ATAD2B: variants seen among roughly 807,000 people sequenced by gnomAD.
ATAD2B encodes ATPase family AAA domain-containing protein 2B.
Under a neutral mutation model 167.6 loss-of-function variants are expected in ATAD2B, and 40 were observed. The ratio of observed to expected loss-of-function variants is 0.24; its 90% CI spans 0.19 to 0.31. The LOEUF (loss-of-function observed/expected upper bound fraction) is 0.31, where lower values mean the gene tolerates loss of function less well. Ranked by LOEUF, ATAD2B falls within the 10% of genes least tolerant of loss-of-function variation. ATAD2B has a pLI of 1.00. For synonymous variants in ATAD2B, 579 were observed against 596.5 expected, an observed-to-expected ratio of 0.97 and a Z score of 0.43; for missense variants, 1,242 against 1,757.2, an observed-to-expected ratio of 0.71 and a Z score of 5.24.
chr2:23,890,337 AAAC>A (rs1414448877), intron 2 of ATAD2B, among the ~76,000 whole-genome samples: 2 of 152,138 alleles, frequency 1.3e-5, no homozygotes, highest in Non-Finnish European at 2.9e-5. Flanking sequence ...TTCCTCTAGA[AAAC>A]AACAAAAAAA....
At position 23,863,369 on chromosome 2, in the gene ATAD2B, G is replaced by C; in HGVS notation, c.1479+12C>G. On this transcript the variant is annotated intron_variant, in intron 12 of 27. Coordinates refer to ENST00000238789, the MANE Select transcript of ATAD2B (RefSeq NM_017552.4). ...AACAGAAAAGACTCTTGAATTAGAT[G>C]ATTTCTCTTACCTGATCAAAAAGAA... The C allele has an allele frequency of 3.9e-6, 6 of 1,546,870 alleles. No homozygotes were observed. The highest frequency in any genetic ancestry group is 5.2e-6 in the Non-Finnish European group (6 of 1,145,604).
intron 22 of ATAD2B, among the ~76,000 whole-genome samples, chr2:23,781,458 A>C (rs1033730614): frequency 3.0e-4 from 45 of 152,272 alleles, no homozygotes; most frequent in Middle Eastern, 3.4e-3. Flanking sequence ...TGAGATTACA[A>C]GTTTGAGACC....
the ATAD2B span, among the ~76,000 whole-genome samples, chr2:23,681,797 T>C: frequency 6.6e-6 from 1 of 152,136 alleles, no homozygotes; most frequent in East Asian, 1.9e-4. The surrounding 1 kb of genome is among the most constrained non-coding windows in gnomAD (Gnocchi z 4.2). Context: ...AAAAAGGGGA[T>C]GTCATCTACC....
intron 1 of ATAD2B, among the ~76,000 whole-genome samples, chr2:23,908,183 G>C (rs904024355): frequency 6.6e-6 from 1 of 151,948 alleles, no homozygotes; most frequent in Non-Finnish European, 1.5e-5. Context: ...CAAAAGAAAC[G>C]ACCATCAGAG....
chr2:23,819,391 T>C (rs1687088391), intron 17 of ATAD2B, among the ~76,000 whole-genome samples: 1 of 151,280 alleles, frequency 6.6e-6, no homozygotes, highest in Non-Finnish European at 1.5e-5. Context: ...CTCAGGAGGC[T>C]GAGGTACGAG....
intron 13 of ATAD2B, among the ~76,000 whole-genome samples, chr2:23,843,198 T>C (rs550829097): frequency 1.3e-5 from 2 of 152,100 alleles, no homozygotes; most frequent in East Asian, 1.9e-4. Flanking sequence ...GACTGAAAAA[T>C]ACAATTTCTG....
chr2:23,678,846 G>A, the ATAD2B span, among the ~76,000 whole-genome samples: 19 of 152,202 alleles, frequency 1.2e-4, no homozygotes, highest in Middle Eastern at 6.8e-3. Flanking sequence ...CTTATAAGAG[G>A]GTCTAAAATA....
chr2:23,791,829 C>T (rs1357543425), intron 19 of ATAD2B, among the ~76,000 whole-genome samples: 1 of 152,132 alleles, frequency 6.6e-6, no homozygotes, highest in East Asian at 1.9e-4. Flanking sequence ...ATGAATGATG[C>T]TGTTGTGAAC....
At chr2:23,742,478 C>A in the ATAD2B span, among the ~76,000 whole-genome samples, 1 of 146,884 alleles carries the variant, frequency 6.8e-6, no homozygotes, top group African/African-American at 2.5e-5. Flanking sequence ...ACCACATGTT[C>A]TCACTCATAG....
At chr2:23,777,588 A>G (rs1025486171) in intron 22 of ATAD2B, among the ~76,000 whole-genome samples, 6 of 152,168 alleles carry the variant, frequency 3.9e-5, no homozygotes, top group African/African-American at 1.4e-4. Flanking sequence ...AGTTTGGGTG[A>G]ATCTGGGGGC....
intron 2 of ATAD2B, among the ~76,000 whole-genome samples, chr2:23,889,419 C>A (rs1238658431): frequency 6.6e-6 from 1 of 151,978 alleles, no homozygotes; most frequent in Non-Finnish European, 1.5e-5. Context: ...CTGCCCACCT[C>A]GGCCTCCCAA....
chr2:23,778,108 A>G (rs1572710165), intron 22 of ATAD2B, among the ~76,000 whole-genome samples: 1 of 151,970 alleles, frequency 6.6e-6, no homozygotes, highest in Admixed American at 6.6e-5. Context: ...CTGGAACATA[A>G]CAAGTGGTTC....
intron 7 of ATAD2B, among the ~76,000 whole-genome samples, chr2:23,876,807 C>T (rs1460584524): frequency 6.6e-6 from 1 of 152,004 alleles, no homozygotes; most frequent in East Asian, 1.9e-4. Flanking sequence ...ATGGCTCACA[C>T]CTGTAATCCC....
At chr2:23,875,501 G>A (rs113027486) in intron 8 of ATAD2B, among the ~76,000 whole-genome samples, 18,277 of 82,442 alleles carry the variant, frequency 0.22, 1,179 homozygotes, top group South Asian at 0.32. Context: ...GTGAGACTCC[G>A]TCTCAAAAAA....
In ATAD2B at chr2:23,782,915, G is replaced by T; in HGVS notation, c.3087C>A (p.Leu1029=). The change falls in exon 22 of 28, where the codon CTC becomes CTA. Residue 1029 remains leucine (L), a synonymous_variant. Transcript: ENST00000238789. ...TATACTCTAAAGCATTGCTACAGAT[G>T]AGGTCAATATCTTTCAGGAAATCCT... ...TAKDFLKDID[L]ICSNALEYNP... 1 of 1,612,532 alleles carries T rather than the reference G, an allele frequency of 6.2e-7. No individual in the cohort carries two copies.
rs781633868 is a variant in ATAD2B, at chr2:23,765,527, T to C, written c.3235A>G (p.Lys1079Glu). ...TTACCTCTTTTTATTCTTGCTTCCT[T>C]AATTTCCTCACAAAGTTTATTAAAT... Reference protein sequence around the residue: ...PEFNKLCEEIKEARIKRGLSV... With the variant: ...PEFNKLCEEIEEARIKRGLSV... Residue 1079 changes from lysine (K) to glutamate (E), a missense_variant, in exon 23 of 28, where the codon AAG (lysine) becomes GAG (glutamate). By Grantham distance (56) the Lys-to-Glu change is moderately conservative. Coordinates refer to ENST00000238789, the MANE Select transcript of ATAD2B (RefSeq NM_017552.4). 41 of 1,592,004 alleles carry C rather than the reference T, an allele frequency of 2.6e-5. No homozygotes were observed. The highest frequency in any genetic ancestry group is 3.3e-5 in the Non-Finnish European group (38 of 1,166,430).
intron 17 of ATAD2B, among the ~76,000 whole-genome samples, chr2:23,816,487 T>C (rs1032699402): frequency 6.6e-6 from 1 of 152,138 alleles, no homozygotes; most frequent in Non-Finnish European, 1.5e-5. Context: ...TACACTGACA[T>C]GAAATAATAT....
chr2:23,832,364 T>C, intron 14 of ATAD2B: 8 of 329,970 alleles, frequency 2.4e-5, no homozygotes, highest in South Asian at 2.0e-4. Flanking sequence ...ACAAAACTGT[T>C]TCCTCGAAAT....
At chr2:23,843,571 G>A (rs949475872) in intron 13 of ATAD2B, among the ~76,000 whole-genome samples, 2 of 152,226 alleles carry the variant, frequency 1.3e-5, no homozygotes, top group African/African-American at 2.4e-5. Flanking sequence ...AGTCGGAGTT[G>A]AGATTCCAGG....
Sources: gnomAD v4.1 joint callset for allele counts (sites outside exome capture counted in the v4.1 genomes callset) on GRCh38, gnomAD v4.1.1 for gene constraint, Gnocchi (gnomAD v3.1) non-coding constraint, MANE v1.5 for transcripts, NCBI Gene and HGNC (gene_info 2026-07-23, HGNC 2026-07-21) for gene names.